The following OR2T12 variants were observed in gnomAD, a reference collection of about 807,000 sequenced individuals.
The protein encoded by OR2T12 is olfactory receptor family 2 subfamily T member 12, also known as olfactory receptor 2T12.
For synonymous variants in OR2T12, 127 were observed against 160.5 expected (o/e 0.79, Z 1.58); for missense variants, 335 against 404.3 (o/e 0.83, Z 1.47).
intron 2 of OR2T12, among the ~76,000 whole-genome samples, chr1:248,301,128 C>T (rs539331701): frequency 6.6e-6 from 1 of 152,024 alleles, no homozygotes. Flanking sequence ...TACCCACATG[C>T]TAAAATTGAC....
intron 2 of OR2T12, among the ~76,000 whole-genome samples, chr1:248,299,864 A>G (rs534215233): frequency 6.6e-6 from 1 of 152,192 alleles, no homozygotes; most frequent in Non-Finnish European, 1.5e-5. Flanking sequence ...TCAAACTAGA[A>G]CGCAGGATTA....
rs11339452 is a variant in OR2T12 at position 248,295,573 on chromosome 1, CT to C, written c.5del (p.Glu2GlyfsTer2). Reference sequence around the variant, plus strand: ...TAAAATCTGGGGTAGTATTTCTCATCTCCATAATTTCCCCTGGTGTGATGGT... The same window carrying C: ...TAAAATCTGGGGTAGTATTTCTCATCCCATAATTTCCCCTGGTGTGATGGT... Reference protein sequence around the residue: MEMRNTTPDFIL... With the variant: MXMRNTTPDFIL... On this transcript the variant is annotated frameshift_variant, in exon 3 of 3. Coordinates refer to ENST00000641276, the MANE Select transcript of OR2T12 (RefSeq NM_001004692.2). LOFTEE classifies it low-confidence loss of function (END_TRUNC). 273,405 of 1,566,106 alleles carry C rather than the reference CT, an allele frequency of 0.17. 23,525 individuals are homozygous for C. The highest frequency in any genetic ancestry group is 0.35 in the East Asian group (15,465 of 44,348).
Position 248,293,328 on chromosome 1 carries a change from T to G in OR2T12, c.*1288A>C, listed in dbSNP as rs528295381. ...AACTTTCAGACACTTATATTGAAGA[T>G]ACATTGTCCCTGGAAGCTCTTAGTT... On this transcript the variant is annotated 3_prime_UTR_variant, in exon 3 of 3. Transcript: ENST00000641276. 1 of 152,168 alleles carries G rather than the reference T, an allele frequency of 6.6e-6. No individual in the cohort carries two copies. The highest frequency in any genetic ancestry group is 2.4e-5 in the African/African-American group (1 of 41,454). 9.4% of individuals were successfully genotyped at this position (152,168 alleles called of 1,614,324 possible). A position where few individuals can be genotyped will look rare whatever the true frequency, so the allele number is the denominator to read the frequency against.
Position 248,292,768 on chromosome 1 carries a change from G to T in OR2T12, c.*1848C>A, listed in dbSNP as rs1572828792. 1 of 151,836 alleles carries T rather than the reference G, an allele frequency of 6.6e-6. No homozygotes were observed. Among genetic ancestry groups the T allele is most frequent in the South Asian group, 2.1e-4 (1 of 4,824 alleles). 9.4% of individuals were successfully genotyped at this position (151,836 alleles called of 1,614,324 possible). A position where few individuals can be genotyped will look rare whatever the true frequency, so the allele number is the denominator to read the frequency against. ...TTCATTCCGTGGTTTTGTTGTTGTTGTTGTTTTAGTTTTCTCCTGAACATT... is the reference window on the plus strand; with the variant it reads ...TTCATTCCGTGGTTTTGTTGTTGTTTTTGTTTTAGTTTTCTCCTGAACATT... On this transcript the variant is annotated 3_prime_UTR_variant, in exon 3 of 3. Transcript: ENST00000641276.
At chr1:248,295,670 C>T (rs1171977106) in intron 2 of OR2T12, 84 bp from the exon 3 acceptor site, 1 of 1,501,568 alleles carries the variant, frequency 6.7e-7, no homozygotes, top group Non-Finnish European at 8.9e-7. Context: ...AGTTTCTGGA[C>T]ATATGTACTG....
chr1:248,294,883 G>C lies in OR2T12; in HGVS notation c.696C>G (p.Arg232=). The C allele has an allele frequency of 6.2e-7, 1 of 1,612,126 alleles. No homozygotes were observed. Among genetic ancestry groups the C allele is most frequent in the African/African-American group, 1.3e-5 (1 of 74,932 alleles). ...AVLLMRSTEA[R]KKAFATCSSH... ...AAGAGCAGGTGGCAAAGGCCTTCTT[G>C]CGGGCTTCTGTAGAGCGCATGAGCA... The change falls in exon 3 of 3, where the codon CGC becomes CGG. Residue 232 remains arginine, a synonymous_variant. Coordinates refer to ENST00000641276, the MANE Select transcript of OR2T12 (RefSeq NM_001004692.2).
At position 248,290,754 on chromosome 1, in the gene OR2T12, AT is replaced by A. The variant is rs1350808523; in HGVS notation, c.*3861del. 2 of 151,986 alleles carry A rather than the reference AT, an allele frequency of 1.3e-5. No individual in the cohort carries two copies. The highest frequency in any genetic ancestry group is 2.9e-5 in the Non-Finnish European group (2 of 67,982). 9.4% of individuals were successfully genotyped at this position (151,986 alleles called of 1,614,324 possible). On this transcript the variant is annotated 3_prime_UTR_variant, in exon 3 of 3. Transcript: ENST00000641276. ...TTCCTGACTTTTTTTACTTTATTTT[AT>A]TATACTTTAAGTTTTAGGGTACATG...
At chr1:248,297,966 A>G (rs1021339070) in intron 2 of OR2T12, among the ~76,000 whole-genome samples, 2 of 151,100 alleles carry the variant, frequency 1.3e-5, no homozygotes, top group Admixed American at 1.3e-4. Flanking sequence ...TTGCCCATTC[A>G]GTATGATATT....
Position 248,290,664 on chromosome 1 carries a change from T to C in OR2T12, c.*3952A>G, listed in dbSNP as rs1197257657. The C allele has an allele frequency of 2.0e-5, 3 of 152,200 alleles. No individual in the cohort carries two copies. Among genetic ancestry groups the C allele is most frequent in the Non-Finnish European group, 4.4e-5 (3 of 68,028 alleles). The allele number at this position is 152,200 out of a possible 1,614,324, so 9.4% of individuals were successfully genotyped here. A position where few individuals can be genotyped will look rare whatever the true frequency, so the allele number is the denominator to read the frequency against. On this transcript the variant is annotated 3_prime_UTR_variant, in exon 3 of 3. Coordinates refer to ENST00000641276, the MANE Select transcript of OR2T12 (RefSeq NM_001004692.2). ...GTCTTCCACAATGGTTGAACTAATT[T>C]ACACTCCCAAAACAACATGGTAAAA...
At chr1:248,302,004 T>C (rs1376401558) in intron 1 of OR2T12, among the ~76,000 whole-genome samples, 1 of 149,820 alleles carries the variant, frequency 6.7e-6, no homozygotes, top group Non-Finnish European at 1.5e-5. Context: ...CTGAGTGAGA[T>C]GATGGAAAGG....
At chr1:248,295,645 A>G in intron 2 of OR2T12, 59 bp from the exon 3 acceptor site, 1 of 1,522,664 alleles carries the variant, frequency 6.6e-7, no homozygotes, top group Admixed American at 2.2e-5. Flanking sequence ...GGTCTGAATA[A>G]CTGTTTGACT....
intron 2 of OR2T12, among the ~76,000 whole-genome samples, chr1:248,297,298 G>C (rs1659743775): frequency 6.6e-6 from 1 of 152,016 alleles, no homozygotes; most frequent in Admixed American, 6.6e-5. Context: ...GATGCCTCCA[G>C]CTTTGTTCTT....
rs116345506 is a variant in OR2T12 at position 248,302,247 on chromosome 1, A to G, written c.-189-694T>C. Among the ~76,000 whole-genome samples, 958 of 152,280 alleles carry G rather than the reference A, an allele frequency of 6.3e-3. 7 individuals carry two copies. Among genetic ancestry groups the G allele is most frequent in the African/African-American group, 0.022 (894 of 41,572 alleles). ...TTTGTAATAATAAAATGCAACCTGC[A>G]TATGCACTAAAAATGGAATTTATAA... On this transcript the variant is annotated intron_variant, in intron 1 of 2. Coordinates refer to ENST00000641276, the MANE Select transcript of OR2T12 (RefSeq NM_001004692.2).
chr1:248,294,787 C>T lies in OR2T12; in HGVS notation c.792G>A (p.Arg264=). Residue 264 remains arginine (R), a synonymous_variant, in exon 3 of 3, where the codon AGG becomes AGA. Coordinates refer to ENST00000641276, the MANE Select transcript of OR2T12 (RefSeq NM_001004692.2). ...IFTYMRPKSH[R]STNHDKVVSA... ...ACACAACCTTATCGTGGTTAGTGGA[C>T]CTGTGGGATTTGGGTCTCATATAGG... 8 of 1,613,872 alleles carry T rather than the reference C, an allele frequency of 5.0e-6. No homozygotes were observed. Among genetic ancestry groups the T allele is most frequent in the Non-Finnish European group, 6.8e-6 (8 of 1,179,884 alleles).
In OR2T12 at chr1:248,295,346, T is replaced by C. The variant is rs764287125; in HGVS notation, c.233A>G (p.Lys78Arg). 6.2e-7 allele frequency: 1 copy of C among 1,607,180 alleles called. No individual in the cohort carries two copies. Among genetic ancestry groups the C allele is most frequent in the Non-Finnish European group, 8.5e-7 (1 of 1,176,650 alleles). ...TCCGGTCAAGTAGTCAGCCGCCATT[T>C]TGGGCACAGTGGTGGAAACCAGCAT... ...DMMLVSTTVP[K>R]MAADYLTGNK... The change falls in exon 3 of 3, where the codon AAA (lysine) becomes AGA (arginine). Residue 78 changes from lysine (K) to arginine (R), a missense_variant. By Grantham distance (26) the Lys-to-Arg change is conservative (BLOSUM62 2). Coordinates refer to ENST00000641276, the MANE Select transcript of OR2T12 (RefSeq NM_001004692.2).
intron 2 of OR2T12, among the ~76,000 whole-genome samples, chr1:248,297,749 G>T (rs1281570128): frequency 6.7e-6 from 1 of 148,432 alleles, no homozygotes; most frequent in African/African-American, 2.5e-5. Flanking sequence ...GGAGATTTTG[G>T]GCTGAGACAA....
chr1:248,292,135 A>C lies in OR2T12; in HGVS notation c.*2481T>G, dbSNP rs1659642228. The C allele has an allele frequency of 6.6e-6, 1 of 152,096 alleles. No homozygotes were observed. Among genetic ancestry groups the C allele is most frequent in the South Asian group, 2.1e-4 (1 of 4,834 alleles). The allele number at this position is 152,096 out of a possible 1,614,324, so 9.4% of individuals were successfully genotyped here. ...CAGAAGATGAATAAATTCTAGTCGG[A>C]GCCACAACATTATGTTTCTTAATGA... On this transcript the variant is annotated 3_prime_UTR_variant, in exon 3 of 3. Transcript: ENST00000641276.
At chr1:248,303,039 C>T (rs1261237107) in intron 1 of OR2T12, among the ~76,000 whole-genome samples, 1 of 152,096 alleles carries the variant, frequency 6.6e-6, no homozygotes, top group Non-Finnish European at 1.5e-5. Context: ...TTCTCATCTG[C>T]TACGTTTCTC....
rs771964900 is a variant in OR2T12, at chr1:248,295,182, G to C, written c.397C>G (p.Leu133Val). The C allele has an allele frequency of 7.5e-5, 120 of 1,609,394 alleles. No homozygotes were observed. Among genetic ancestry groups the C allele is most frequent in the Middle Eastern group, 6.7e-4 (3 of 4,456 alleles). The change falls in exon 3 of 3, where the codon CTC becomes GTC. Residue 133 changes from leucine to valine, a missense_variant. Physicochemically the swap from Leu to Val is conservative, Grantham distance 32 (BLOSUM62 1). Coordinates refer to ENST00000641276, the MANE Select transcript of OR2T12 (RefSeq NM_001004692.2). Reference sequence around the variant, plus strand: ...CTCAGGCACAGCTGCCAGCTCATGAGAGTGGGATATCGGAGTGGGTGGCAG... The same window carrying C: ...CTCAGGCACAGCTGCCAGCTCATGACAGTGGGATATCGGAGTGGGTGGCAG... ...AVCHPLRYPTLMSWQLCLRMT... is the reference protein window; with the variant it reads ...AVCHPLRYPTVMSWQLCLRMT...
Sources: gnomAD v4.1 joint callset for allele counts (sites outside exome capture counted in the v4.1 genomes callset) on GRCh38, gnomAD v4.1.1 for gene constraint, MANE v1.5 for transcripts, NCBI Gene and HGNC (gene_info 2026-07-23, HGNC 2026-07-21) for gene names.